Variants in FSTL4 observed in about 807,000 individuals in gnomAD.
FSTL4 encodes follistatin-related protein 4.
A neutral mutation model predicts 78.2 loss-of-function variants in FSTL4; 28 were observed. The ratio of observed to expected loss-of-function variants is 0.36; its 90% CI spans 0.27 to 0.49. The LOEUF (loss-of-function observed/expected upper bound fraction) is 0.49, where lower values mean the gene tolerates loss of function less well. FSTL4 is among the 20% of genes least tolerant of loss of function. FSTL4 has a pLI of 0.98. For missense variants in FSTL4, 922 were observed against 1,084.9 expected (o/e 0.85, Z 2.11); for synonymous variants, 422 against 440.5 (o/e 0.96, Z 0.53).
At chr5:133,212,384 C>A (rs2126774728) in intron 13 of FSTL4, among the ~76,000 whole-genome samples, 1 of 152,310 alleles carries the variant, frequency 6.6e-6, no homozygotes, top group Admixed American at 6.5e-5. Flanking sequence ...TGCTGAGCAG[C>A]AAGGCTATGG....
intron 6 of FSTL4, 101 bp from the exon 7 acceptor site, chr5:133,249,677 G>T (rs1416863630): frequency 2.6e-5 from 22 of 856,616 alleles, no homozygotes; most frequent in Non-Finnish European, 3.6e-5. Context: ...AAGAGGCCCA[G>T]AAGGGCTTCA....
chr5:133,751,101 C>T, the FSTL4 span, among the ~76,000 whole-genome samples: 3 of 152,104 alleles, frequency 2.0e-5, no homozygotes, highest in Admixed American at 1.3e-4. Context: ...CTTCTTCTGA[C>T]CCAGCTCCCT....
intron 3 of FSTL4, among the ~76,000 whole-genome samples, chr5:133,484,833 AC>A: frequency 6.6e-6 from 1 of 152,268 alleles, no homozygotes; most frequent in Admixed American, 6.5e-5. Flanking sequence ...CTTCCTTCTT[AC>A]TTTGCATAGG....
intron 3 of FSTL4, among the ~76,000 whole-genome samples, chr5:133,411,622 C>T (rs1306143429): frequency 6.6e-6 from 1 of 152,114 alleles, no homozygotes; most frequent in Non-Finnish European, 1.5e-5. Flanking sequence ...AAGAAAACTC[C>T]TTAAATAGCC....
the FSTL4 span, among the ~76,000 whole-genome samples, chr5:133,634,782 A>G: frequency 9.9e-5 from 15 of 152,198 alleles, no homozygotes; most frequent in Non-Finnish European, 2.1e-4. Flanking sequence ...AAATAACTAC[A>G]TGATAAGGTT....
chr5:133,428,688 C>T (rs777147323), intron 3 of FSTL4, among the ~76,000 whole-genome samples: 1 of 152,234 alleles, frequency 6.6e-6, no homozygotes. Flanking sequence ...CCTGTCCTCA[C>T]TCTCTGCAGA....
chr5:133,447,722 T>C (rs1439913356), intron 3 of FSTL4, among the ~76,000 whole-genome samples: 1 of 152,194 alleles, frequency 6.6e-6, no homozygotes, highest in Non-Finnish European at 1.5e-5. Flanking sequence ...GTATTTTTAG[T>C]AGAGACAGGG....
the FSTL4 span, among the ~76,000 whole-genome samples, chr5:133,691,050 C>T: frequency 1.3e-5 from 2 of 152,132 alleles, no homozygotes; most frequent in Admixed American, 6.5e-5. Flanking sequence ...GCTTTGGATC[C>T]GAGGACACTG....
At chr5:133,491,226 A>G (rs1758260403) in intron 3 of FSTL4, among the ~76,000 whole-genome samples, 4 of 152,168 alleles carry the variant, frequency 2.6e-5, no homozygotes, top group East Asian at 1.9e-4. Context: ...ATGTTATTGT[A>G]TAAGTTCCTA....
At chr5:133,395,063 C>T (rs144305619) in intron 4 of FSTL4, among the ~76,000 whole-genome samples, 1,775 of 152,216 alleles carry the variant, frequency 0.012, 31 homozygotes, top group African/African-American at 0.04. Flanking sequence ...GACCAATCAG[C>T]GCTCTGTAAA....
At chr5:133,731,367 A>G in the FSTL4 span, among the ~76,000 whole-genome samples, 1 of 152,214 alleles carries the variant, frequency 6.6e-6, no homozygotes, top group Non-Finnish European at 1.5e-5. Flanking sequence ...TGCAGCCTAC[A>G]TAAGAAACCA....
At chr5:133,671,439 G>A in the FSTL4 span, among the ~76,000 whole-genome samples, 7 of 152,130 alleles carry the variant, frequency 4.6e-5, no homozygotes, top group African/African-American at 1.7e-4. Flanking sequence ...AAAACTAAAG[G>A]TTAGAGCAAG....
chr5:133,370,984 C>T (rs1157991583), intron 4 of FSTL4, among the ~76,000 whole-genome samples: 8 of 152,168 alleles, frequency 5.3e-5, no homozygotes, highest in Non-Finnish European at 8.8e-5. Flanking sequence ...CCAGCACAGA[C>T]GTGAGCTTGG....
At chr5:133,207,087 ATAC>A (rs1202850349) in intron 14 of FSTL4, among the ~76,000 whole-genome samples, 4 of 152,220 alleles carry the variant, frequency 2.6e-5, no homozygotes, top group Non-Finnish European at 5.9e-5. Context: ...CTTTAGTGAT[ATAC>A]TTTTTTATAT....
chr5:133,233,378 G>A (rs1260329975), intron 8 of FSTL4, 39 bp downstream of exon 8: 2 of 1,611,792 alleles, frequency 1.2e-6, no homozygotes, highest in Non-Finnish European at 1.7e-6. Flanking sequence ...AGTTTGGGGA[G>A]GCTATGAGGG....
At position 133,600,243 on chromosome 5, in the gene FSTL4, G is replaced by T. The variant is rs377749234; in HGVS notation, c.126+3615C>A. Among the ~76,000 whole-genome samples, 10 of 152,186 alleles carry T rather than the reference G, an allele frequency of 6.6e-5. No individual in the cohort carries two copies. The East Asian group carries it at 9.6e-4, about 15-fold the overall frequency. On this transcript the variant is annotated intron_variant, in intron 2 of 15. Coordinates refer to ENST00000265342, the MANE Select transcript of FSTL4 (RefSeq NM_015082.2). The stretch of plus-strand genomic sequence containing the variant: ...AATAGGCTTTGTGTTAGATGATTTT[G>T]CCCTAAGTGTAGGCTAATGTCAGTG...
At chr5:133,577,025 A>T (rs912005092) in intron 2 of FSTL4, among the ~76,000 whole-genome samples, 5 of 152,168 alleles carry the variant, frequency 3.3e-5, no homozygotes, top group African/African-American at 1.2e-4. Flanking sequence ...CATGTATTCC[A>T]CTGCTGGCTC....
At chr5:133,368,682 C>T (rs1257363138) in intron 4 of FSTL4, among the ~76,000 whole-genome samples, 1 of 152,182 alleles carries the variant, frequency 6.6e-6, no homozygotes, top group Non-Finnish European at 1.5e-5. Context: ...GTGCATCACA[C>T]ACAGATTCCT....
the FSTL4 span, among the ~76,000 whole-genome samples, chr5:133,781,006 C>T: frequency 6.6e-6 from 1 of 152,202 alleles, no homozygotes; most frequent in Non-Finnish European, 1.5e-5. Flanking sequence ...ATTCCAAAGT[C>T]AACCCCCAAC....
Sources: allele counts gnomAD v4.1 joint callset (sites outside exome capture counted in the v4.1 genomes callset), GRCh38; gene constraint gnomAD v4.1.1; transcripts MANE v1.5; gene names NCBI Gene and HGNC (gene_info 2026-07-23, HGNC 2026-07-21).